The following SCPEP1 variants were observed in gnomAD, a reference collection of about 807,000 sequenced individuals.
SCPEP1 encodes retinoid-inducible serine carboxypeptidase.
SCPEP1 carries 51 observed loss-of-function variants against 63.8 expected under a neutral mutation model. That is an observed-to-expected ratio of 0.80 (90% confidence interval 0.64 to 1.01). The LOEUF (loss-of-function observed/expected upper bound fraction) is 1.01. Among genes scored for constraint, SCPEP1 ranks in the 50% least tolerant of loss-of-function variants. SCPEP1 has a pLI of 0.00. For missense variants in SCPEP1, 499 were observed against 554.9 expected (o/e 0.90, Z 1.01); for synonymous variants, 204 against 207.8 (o/e 0.98, Z 0.16).
intron 10 of SCPEP1, among the ~76,000 whole-genome samples, chr17:57,000,274 A>T (rs1236129198): frequency 1.3e-5 from 2 of 152,210 alleles, no homozygotes; most frequent in East Asian, 3.8e-4. Context: ...CTAGCAAATA[A>T]TGGTGGCTGC....
chr17:57,004,676 A>G (rs1214739007), intron 12 of SCPEP1, among the ~76,000 whole-genome samples: 1 of 152,214 alleles, frequency 6.6e-6, no homozygotes, highest in African/African-American at 2.4e-5. Context: ...TATACACCTT[A>G]TACACATAGA....
intron 8 of SCPEP1, among the ~76,000 whole-genome samples, 173 bp from the exon 9 acceptor site, chr17:56,996,789 G>A (rs2144500120): frequency 6.6e-6 from 1 of 152,238 alleles, no homozygotes; most frequent in South Asian, 2.1e-4. Flanking sequence ...GAAGTGCTGG[G>A]ATTACAGACA....
intron 12 of SCPEP1, 116 bp from the exon 13 acceptor site, chr17:57,006,057 C>T (rs145334914): frequency 2.3e-5 from 16 of 710,180 alleles, no homozygotes; most frequent in Middle Eastern, 2.5e-4. Flanking sequence ...GGTGTCTGCA[C>T]AGGTTGCTGT....
At chr17:57,003,675 C>T (rs1911806615) in intron 12 of SCPEP1, among the ~76,000 whole-genome samples, 1 of 152,042 alleles carries the variant, frequency 6.6e-6, no homozygotes, top group Non-Finnish European at 1.5e-5. Flanking sequence ...CGTGGCATCC[C>T]CAAAGCAGGG....
rs1173301758 is a variant in SCPEP1 at position 56,981,586 on chromosome 17, G to A, written c.225+356G>A. 6.6e-5 allele frequency among the ~76,000 whole-genome samples: 10 copies of A among 152,150 alleles called. No homozygotes were observed. The East Asian group carries it at 1.9e-3, about 29-fold the overall frequency. On this transcript the variant is annotated intron_variant, in intron 2 of 12. Transcript: ENST00000262288. ...TCCCAGAACTTTGGGAGGCCGAGGT[G>A]GGTGGATCATACGAGGCCAGGAGTT...
At chr17:56,991,194 T>C (rs1194872886) in intron 6 of SCPEP1, 23 bp downstream of exon 6, 1 of 1,570,412 alleles carries the variant, frequency 6.4e-7, no homozygotes, top group Non-Finnish European at 8.8e-7. Context: ...TTTTCAGGCA[T>C]TTTTTCACTC....
chr17:56,992,988 C>T (rs927623925), intron 6 of SCPEP1, among the ~76,000 whole-genome samples: 5 of 152,310 alleles, frequency 3.3e-5, no homozygotes, highest in African/African-American at 1.2e-4. Flanking sequence ...AGTATTGCCC[C>T]TCTATCCCAG....
At chr17:56,986,004 G>C (rs572008133) in intron 3 of SCPEP1, among the ~76,000 whole-genome samples, 1 of 151,798 alleles carries the variant, frequency 6.6e-6, no homozygotes, top group African/African-American at 2.4e-5. Flanking sequence ...CACTCCCACT[G>C]TCCACCTGCT....
At position 57,002,027 on chromosome 17, in the gene SCPEP1, C is replaced by A. The variant is rs778318031; in HGVS notation, c.1142C>A (p.Ala381Asp). 1 of 1,613,924 alleles carries A rather than the reference C, an allele frequency of 6.2e-7. No individual in the cohort carries two copies. Residue 381 changes from alanine (A) to aspartate (D), a missense_variant, in exon 12 of 13, where the codon GCC becomes GAC. Coordinates refer to ENST00000262288, the MANE Select transcript of SCPEP1 (RefSeq NM_021626.3). ...TTGTCCTTCTCACCAGGTCAGGAGG[C>A]CTGGGTGCGGAAACTGAAGTGGCCA... ...DLIVDTMGQE[A>D]WVRKLKWPEL...
intron 1 of SCPEP1, among the ~76,000 whole-genome samples, chr17:56,980,343 A>G (rs1284145136): frequency 1.3e-5 from 2 of 152,126 alleles, no homozygotes; most frequent in Non-Finnish European, 2.9e-5. Context: ...TTGAACTCCT[A>G]TGCACAAGCT....
intron 12 of SCPEP1, among the ~76,000 whole-genome samples, chr17:57,004,896 A>T (rs1054296063): frequency 7.9e-5 from 12 of 152,340 alleles, no homozygotes; most frequent in Admixed American, 3.3e-4. Context: ...ACACATAAGT[A>T]CTTCACAGTA....
Position 56,991,133 on chromosome 17 carries a change from C to CG in SCPEP1, c.586dup (p.Val196GlyfsTer5). Reference sequence around the variant, plus strand: ...CGAGGGACCATCAAGTGCAACTTTGCGGGGGTTGCCTTGGGTGATTCCTGG... The same window carrying CG: ...CGAGGGACCATCAAGTGCAACTTTGCGGGGGGTTGCCTTGGGTGATTCCTGG... On this transcript the variant is annotated frameshift_variant, in exon 6 of 13. Transcript: ENST00000262288. LOFTEE classifies it high-confidence loss of function. 2 of 1,613,992 alleles carry CG rather than the reference C, an allele frequency of 1.2e-6. No individual in the cohort carries two copies. The highest frequency in any genetic ancestry group is 1.7e-6 in the Non-Finnish European group (2 of 1,179,918).
intron 8 of SCPEP1, 75 bp from the exon 9 acceptor site, chr17:56,996,887 C>A: frequency 1.1e-6 from 1 of 888,558 alleles, no homozygotes; most frequent in South Asian, 1.7e-5. Flanking sequence ...AGATAAAGAG[C>A]CATGTGTCCT....
In SCPEP1 at chr17:56,985,358, G is replaced by GT; in HGVS notation, c.226-17dup. 2 of 1,607,708 alleles carry GT rather than the reference G, an allele frequency of 1.2e-6. No individual in the cohort carries two copies. Among genetic ancestry groups the GT allele is most frequent in the Non-Finnish European group, 1.7e-6 (2 of 1,174,758 alleles). On this transcript the variant is annotated intron_variant, in intron 2 of 12. Coordinates refer to ENST00000262288, the MANE Select transcript of SCPEP1 (RefSeq NM_021626.3). ...TAAGATCTGACTAAAATTTTTGTTT[G>GT]TTTCTTCTCTCTTCCATAGGGCGGT...
rs529148803 is a variant in SCPEP1 at position 56,995,412 on chromosome 17, C to T, written c.658-95C>T. ...GATATGTGAGCTCCCGTTCTCCTTC[C>T]TTCCCCTCTTTCTCCTACCCCTCCC... On this transcript the variant is annotated intron_variant, in intron 7 of 12. Coordinates refer to ENST00000262288, the MANE Select transcript of SCPEP1 (RefSeq NM_021626.3). 1.3e-5 allele frequency: 18 copies of T among 1,343,530 alleles called. No individual in the cohort carries two copies. The South Asian group carries it at 2.1e-4, about 16-fold the overall frequency. The allele number at this position is 1,343,530 out of a possible 1,614,324, so 83.2% of individuals were successfully genotyped here. A position where few individuals can be genotyped will look rare whatever the true frequency, so the allele number is the denominator to read the frequency against.
rs752341842 is a variant in SCPEP1 at position 56,987,771 on chromosome 17, A to G, written c.392A>G (p.Tyr131Cys). The G allele has an allele frequency of 6.8e-6, 11 of 1,614,054 alleles. No homozygotes were observed. The highest frequency in any genetic ancestry group is 2.2e-5 in the South Asian group (2 of 91,092). The change falls in exon 4 of 13, where the codon TAT becomes TGT. Residue 131 changes from tyrosine to cysteine, a missense_variant. Physicochemically the swap from Tyr to Cys is radical, Grantham distance 194 (BLOSUM62 -2). Transcript: ENST00000262288. Reference protein sequence around the residue: ...GFSYVNGSGAYAKDLAMVASD... With the variant: ...GFSYVNGSGACAKDLAMVASD... ...AGTTATGTGAATGGTAGTGGTGCCT[A>G]TGCCAAGGACCTGGCTATGGTGGCT...
In SCPEP1 at chr17:56,978,198, G is replaced by C; in HGVS notation, c.39G>C (p.Trp13Cys). ...TGCGGCGCTCTCCCGTCCCGCGGTG[G>C]TTGCTGCTGCTGCCGCTGCTGCTGG... ...LALRRSPVPRWLLLLPLLLGL... is the reference protein window; with the variant it reads ...LALRRSPVPRCLLLLPLLLGL... The change falls in exon 1 of 13, where the codon TGG (tryptophan) becomes TGC (cysteine). Residue 13 changes from tryptophan to cysteine, a missense_variant. Transcript: ENST00000262288. 6.4e-7 allele frequency: 1 copy of C among 1,568,210 alleles called. No homozygotes were observed. Among genetic ancestry groups the C allele is most frequent in the Non-Finnish European group, 8.6e-7 (1 of 1,163,056 alleles).
chr17:56,996,680 C>T (rs1370381223), intron 8 of SCPEP1, among the ~76,000 whole-genome samples: 4 of 151,322 alleles, frequency 2.6e-5, no homozygotes, highest in Non-Finnish European at 4.4e-5. Flanking sequence ...CCACCACGCC[C>T]GGCTGATTTT....
In SCPEP1 at chr17:56,988,314, T is replaced by C. The variant is rs577442286; in HGVS notation, c.546+24T>C. ...AGGTAATGGAAAATAACTTTGTTGT[T>C]ATGGTTTTGGACAGAAAATCAATTA... On this transcript the variant is annotated intron_variant, in intron 5 of 12. Coordinates refer to ENST00000262288, the MANE Select transcript of SCPEP1 (RefSeq NM_021626.3). 27 of 1,576,392 alleles carry C rather than the reference T, an allele frequency of 1.7e-5. No individual in the cohort carries two copies. In the South Asian group the frequency reaches 3.0e-4, roughly 17 times the overall value.
Sources: gnomAD v4.1 joint callset for allele counts (sites outside exome capture counted in the v4.1 genomes callset) on GRCh38, gnomAD v4.1.1 for gene constraint, MANE v1.5 for transcripts, NCBI Gene and HGNC (gene_info 2026-07-23, HGNC 2026-07-21) for gene names.